TRDN: variants seen among roughly 807,000 people sequenced by gnomAD.
TRDN encodes triadin in skeletal muscle.
Under a neutral mutation model 149.7 loss-of-function variants are expected in TRDN, and 161 were observed. The observed-to-expected ratio is 1.08, with a 90% CI of 0.95 to 1.23. The LOEUF is 1.23. Ranked by LOEUF, TRDN falls within the 50% of genes most tolerant of loss-of-function variation. TRDN has a pLI of 0.00. For missense variants in TRDN, 896 were observed against 823.5 expected, an observed-to-expected ratio of 1.09 and a Z score of -1.08; for synonymous variants, 294 against 250.5, an observed-to-expected ratio of 1.17 and a Z score of -1.64.
At chr6:123,271,114 A>C in intron 30 of TRDN, 25 bp downstream of exon 30, 2 of 1,464,248 alleles carry the variant, frequency 1.4e-6, no homozygotes, top group South Asian at 2.6e-5. Flanking sequence ...GAGACATAGA[A>C]AAAAATATAA....
At chr6:123,620,356 G>A (rs1054440984) in intron 1 of TRDN, among the ~76,000 whole-genome samples, 1 of 152,130 alleles carries the variant, frequency 6.6e-6, no homozygotes, top group Non-Finnish European at 1.5e-5. Context: ...CCCAGGTGAT[G>A]TTGACACTGC....
At chr6:123,394,240 TC>T (rs1224662498) in intron 12 of TRDN, among the ~76,000 whole-genome samples, 2 of 152,248 alleles carry the variant, frequency 1.3e-5, no homozygotes, top group African/African-American at 2.4e-5. Context: ...TCCCTCTTGT[TC>T]TAAGTTTTTT....
chr6:123,406,938 G>A (rs1773216902), intron 12 of TRDN, among the ~76,000 whole-genome samples: 1 of 151,988 alleles, frequency 6.6e-6, no homozygotes, highest in African/African-American at 2.4e-5. Context: ...AGGGGCTTCA[G>A]TAGAGTAGGA....
In TRDN at chr6:123,306,167, G is replaced by A. The variant is rs142602320; in HGVS notation, c.1510+10290C>T. Among the ~76,000 whole-genome samples, 436 of 152,230 alleles carry A rather than the reference G, an allele frequency of 2.9e-3. 3 individuals carry two copies. The highest frequency in any genetic ancestry group is 9.9e-3 in the African/African-American group (412 of 41,562). On this transcript the variant is annotated intron_variant, in intron 24 of 40. Transcript: ENST00000334268. Reference sequence around the variant, plus strand: ...TCAATACCTCAAGATGATTGCTGATGTCTGCCCAGGGACAGATAAAATGGA... The same window carrying A: ...TCAATACCTCAAGATGATTGCTGATATCTGCCCAGGGACAGATAAAATGGA...
At chr6:123,333,656 G>C (rs1268311946) in intron 22 of TRDN, among the ~76,000 whole-genome samples, 1 of 151,946 alleles carries the variant, frequency 6.6e-6, no homozygotes, top group African/African-American at 2.4e-5. Flanking sequence ...ACTACCCAAG[G>C]AAGTGAGGAG....
intron 39 of TRDN, among the ~76,000 whole-genome samples, chr6:123,222,030 A>C (rs1000140969): frequency 6.6e-6 from 1 of 151,626 alleles, no homozygotes. Context: ...CTATTTATTT[A>C]TTTTTGCTGT....
chr6:123,407,972 C>T (rs1179571716), intron 12 of TRDN, among the ~76,000 whole-genome samples: 2 of 152,130 alleles, frequency 1.3e-5, no homozygotes, highest in East Asian at 1.9e-4. Context: ...CCTAGAGGTG[C>T]CTGGTCTGGG....
intron 8 of TRDN, 64 bp from the exon 9 acceptor site, chr6:123,497,316 G>T (rs1778491618): frequency 1.7e-6 from 2 of 1,144,800 alleles, no homozygotes; most frequent in South Asian, 1.8e-5. Context: ...TTTCTACAGA[G>T]AAATAATTTA....
chr6:123,472,074 T>C (rs1336080927), intron 9 of TRDN, among the ~76,000 whole-genome samples: 4 of 152,064 alleles, frequency 2.6e-5, no homozygotes, highest in African/African-American at 7.2e-5. Context: ...AAACCTAATA[T>C]GAGCCAAGAT....
intron 1 of TRDN, among the ~76,000 whole-genome samples, chr6:123,623,217 G>T: frequency 6.6e-6 from 1 of 151,764 alleles, no homozygotes; most frequent in African/African-American, 2.4e-5. Flanking sequence ...AGCAAATTGA[G>T]GCAAACAAAT....
intron 38 of TRDN, among the ~76,000 whole-genome samples, chr6:123,233,046 T>C (rs1034255268): frequency 1.3e-4 from 20 of 152,144 alleles, no homozygotes; most frequent in Admixed American, 1.2e-3. Flanking sequence ...ATTTGTATTC[T>C]TCCTCAGCCC....
chr6:123,438,006 T>C lies in TRDN; in HGVS notation c.1051+57A>G. On this transcript the variant is annotated intron_variant, in intron 12 of 40. Transcript: ENST00000334268. ...TTGTGTATGTTGCATGAGGAGTCTTTCATGAAGCAAACATCCTGAACGTAA... is the reference window on the plus strand; with the variant it reads ...TTGTGTATGTTGCATGAGGAGTCTTCCATGAAGCAAACATCCTGAACGTAA... The C allele has an allele frequency of 7.6e-6, 11 of 1,448,336 alleles. No individual in the cohort carries two copies. The South Asian group carries it at 1.3e-4, about 18-fold the overall frequency. 89.7% of individuals were successfully genotyped at this position (1,448,336 alleles called of 1,614,324 possible). A position where few individuals can be genotyped will look rare whatever the true frequency, so the allele number is the denominator to read the frequency against.
At chr6:123,426,754 T>A (rs1471655250) in intron 12 of TRDN, among the ~76,000 whole-genome samples, 1 of 152,136 alleles carries the variant, frequency 6.6e-6, no homozygotes, top group Non-Finnish European at 1.5e-5. Context: ...ATTCCAAAAT[T>A]AATATAGCTA....
At chr6:123,498,514 T>G in intron 8 of TRDN, 1 of 470,404 alleles carries the variant, frequency 2.1e-6, no homozygotes, top group Non-Finnish European at 4.4e-6. Flanking sequence ...TTGTTGAAAT[T>G]GGAGCACATT....
At chr6:123,402,471 GTTAAA>G (rs1476737675) in intron 12 of TRDN, among the ~76,000 whole-genome samples, 5 of 152,146 alleles carry the variant, frequency 3.3e-5, no homozygotes, top group African/African-American at 1.2e-4. Flanking sequence ...CAAGTAAATT[GTTAAA>G]TTTAATTTGT....
At chr6:123,549,212 C>T (rs1011559150) in intron 2 of TRDN, among the ~76,000 whole-genome samples, 2 of 152,056 alleles carry the variant, frequency 1.3e-5, no homozygotes, top group African/African-American at 4.8e-5. Flanking sequence ...CTGCTAGTAA[C>T]TTCAATGGAT....
At chr6:123,415,719 G>A (rs1773620903) in intron 12 of TRDN, among the ~76,000 whole-genome samples, 2 of 152,088 alleles carry the variant, frequency 1.3e-5, no homozygotes, top group African/African-American at 4.8e-5. Context: ...CCTAATAAAG[G>A]TCAATGGTAC....
chr6:123,360,141 G>C lies in TRDN; in HGVS notation c.1321+5994C>G, dbSNP rs182535005. On this transcript the variant is annotated intron_variant, in intron 20 of 40. Coordinates refer to ENST00000334268, the MANE Select transcript of TRDN (RefSeq NM_006073.4). ...ACCTATCACCTAGGTATTAAGCCCA[G>C]CATGCATTAGCTATTGTGAAGCTGA... 2.4e-3 allele frequency among the ~76,000 whole-genome samples: 365 copies of C among 152,230 alleles called. 2 individuals are homozygous for C. Among genetic ancestry groups the C allele is most frequent in the South Asian group, 0.022 (107 of 4,822 alleles).
At chr6:123,353,047 C>A (rs760264296) in intron 20 of TRDN, among the ~76,000 whole-genome samples, 1 of 151,820 alleles carries the variant, frequency 6.6e-6, no homozygotes, top group South Asian at 2.1e-4. Flanking sequence ...CATCCCAAAT[C>A]ATCAGTAACC....
Sources: gnomAD v4.1 joint callset for allele counts (sites outside exome capture counted in the v4.1 genomes callset) on GRCh38, gnomAD v4.1.1 for gene constraint, MANE v1.5 for transcripts, NCBI Gene and HGNC (gene_info 2026-07-23, HGNC 2026-07-21) for gene names.